The following TRNT1 variants were observed in gnomAD, a reference collection of about 807,000 sequenced individuals.
The protein encoded by TRNT1 is CCA tRNA nucleotidyltransferase 1, mitochondrial.
TRNT1 carries 44 observed loss-of-function variants against 45.6 expected under a neutral mutation model. That is an observed-to-expected ratio of 0.97 (90% confidence interval 0.76 to 1.24). The LOEUF is 1.24. TRNT1 is among the 50% of genes most tolerant of loss of function. The probability of loss-of-function intolerance (pLI) is 0.00; values close to 1 mark genes in which losing one functional copy is unlikely to be tolerated. For missense variants in TRNT1, 633 were observed against 504.4 expected (o/e 1.25, Z -2.44); for synonymous variants, 201 against 171.4 (o/e 1.17, Z -1.35).
intron 5 of TRNT1, among the ~76,000 whole-genome samples, chr3:3,146,216 A>G (rs1706009237): frequency 6.6e-6 from 1 of 151,924 alleles, no homozygotes; most frequent in Admixed American, 6.6e-5. Context: ...AAGGCTACTT[A>G]TATTTTATTC....
chr3:3,134,036 CAG>C (rs775336128), intron 2 of TRNT1, among the ~76,000 whole-genome samples: 1 of 152,240 alleles, frequency 6.6e-6, no homozygotes, highest in South Asian at 2.1e-4. Flanking sequence ...TGCTTACTAT[CAG>C]AGGTGGCATT....
intron 2 of TRNT1, chr3:3,129,631 C>A (rs1704875496): frequency 1.8e-6 from 1 of 556,942 alleles, no homozygotes; most frequent in East Asian, 3.1e-5. Context: ...TATGGCTGAT[C>A]CAAAAATATA....
rs750995691 is a variant in TRNT1, at chr3:3,144,710, G to C, written c.608G>C (p.Arg203Thr). 9.8e-6 allele frequency: 15 copies of C among 1,525,588 alleles called. No individual in the cohort carries two copies. The highest frequency in any genetic ancestry group is 1.8e-6 in the Non-Finnish European group (2 of 1,127,768). The allele number at this position is 1,525,588 out of a possible 1,614,324, so 94.5% of individuals were successfully genotyped here. A position where few individuals can be genotyped will look rare whatever the true frequency, so the allele number is the denominator to read the frequency against. The change falls in exon 5 of 8, where the codon AGG (arginine) becomes ACG (threonine). Residue 203 changes from arginine (R) to threonine (T), a missense_variant and splice_region_variant. By Grantham distance (71) the Arg-to-Thr change is moderately conservative. Coordinates refer to ENST00000251607, the MANE Select transcript of TRNT1 (RefSeq NM_182916.3). ...EDYLRILRYF[R>T]FYGRIVDKPG... ...TATCTTAGAATTTTAAGATACTTCAGGTAAGAATTTTTAAAAATAAAAAAT... is the reference window on the plus strand; with the variant it reads ...TATCTTAGAATTTTAAGATACTTCACGTAAGAATTTTTAAAAATAAAAAAT...
At chr3:3,152,459 G>C (rs146272907), downstream of TRNT1, 1 of 1,612,718 alleles carries the variant, frequency 6.2e-7, no homozygotes, top group Non-Finnish European at 8.5e-7. Context: ...ATATTACCCA[G>C]GAAACCAGCT....
At chr3:3,150,814 A>G, downstream of TRNT1, 1 of 1,556,982 alleles carries the variant, frequency 6.4e-7, no homozygotes, top group Non-Finnish European at 8.8e-7. Flanking sequence ...TCCAAAGCAG[A>G]TCTTAGAATA....
intron 6 of TRNT1, 117 bp downstream of exon 6, chr3:3,146,740 T>C: frequency 9.9e-7 from 1 of 1,012,482 alleles, no homozygotes; most frequent in Non-Finnish European, 1.4e-6. Context: ...AATGGAGTAT[T>C]TTAAAATAAG....
At chr3:3,151,287 A>AAT (rs1287704239), downstream of TRNT1, among the ~76,000 whole-genome samples, 1 of 152,238 alleles carries the variant, frequency 6.6e-6, no homozygotes, top group Non-Finnish European at 1.5e-5. Flanking sequence ...ACTGCATAGA[A>AAT]ATAAAGAGTA....
intron 1 of TRNT1, 41 bp from the exon 2 acceptor site, chr3:3,128,973 A>T: frequency 7.1e-7 from 1 of 1,417,148 alleles, no homozygotes. Context: ...ACTTACCTTC[A>T]CTTTTAATTT....
chr3:3,129,007 C>A lies in TRNT1; in HGVS notation c.-27-7C>A. The stretch of plus-strand genomic sequence containing the variant: ...TTCATTGGTATGCCTGTGTATTTGC[C>A]TTGTAGATGTGTAGTTGGTGACTGC... On this transcript the variant is annotated splice_region_variant and splice_polypyrimidine_tract_variant and intron_variant, in intron 1 of 7. Transcript: ENST00000251607. 1 of 1,561,030 alleles carries A rather than the reference C, an allele frequency of 6.4e-7. No individual in the cohort carries two copies. The highest frequency in any genetic ancestry group is 1.2e-5 in the South Asian group (1 of 83,302).
chr3:3,148,709 CAG>C lies in TRNT1; in HGVS notation c.*556_*557del, dbSNP rs1706238145. ...GGATTTGTTCTAGCAAGCTATGCTT[CAG>C]TATGTGGTTGATATTTTTCTGTCAC... On this transcript the variant is annotated 3_prime_UTR_variant, in exon 8 of 8. Transcript: ENST00000251607. 6.6e-6 allele frequency: 1 copy of C among 152,172 alleles called. No individual in the cohort carries two copies. The allele number at this position is 152,172 out of a possible 1,614,324, so 9.4% of individuals were successfully genotyped here.
At chr3:3,151,330 T>C (rs1706533903), downstream of TRNT1, among the ~76,000 whole-genome samples, 1 of 152,238 alleles carries the variant, frequency 6.6e-6, no homozygotes, top group Admixed American at 6.5e-5. Context: ...AATTGCTGGT[T>C]GCCAAGACCA....
Position 3,148,953 on chromosome 3 carries a change from T to TATTA in TRNT1, c.*800_*803dup, listed in dbSNP as rs1330825555. On this transcript the variant is annotated 3_prime_UTR_variant, in exon 8 of 8. Coordinates refer to ENST00000251607, the MANE Select transcript of TRNT1 (RefSeq NM_182916.3). Reference sequence around the variant, plus strand: ...ATTTTATTAATTAAAAGGATATGGCTATTATTATATATTCTCTAAAGATTT... The same window carrying TATTA: ...ATTTTATTAATTAAAAGGATATGGCTATTAATTATTATATATTCTCTAAAGATTT... The TATTA allele has an allele frequency of 7.2e-5, 8 of 110,866 alleles. No homozygotes were observed. In the South Asian group the frequency reaches 2.5e-3, roughly 34 times the overall value. 6.9% of individuals were successfully genotyped at this position (110,866 alleles called of 1,614,324 possible). A position where few individuals can be genotyped will look rare whatever the true frequency, so the allele number is the denominator to read the frequency against.
intron 6 of TRNT1, 65 bp downstream of exon 6, chr3:3,146,688 G>A (rs1352081940): frequency 3.6e-6 from 5 of 1,381,864 alleles, no homozygotes; most frequent in African/African-American, 1.5e-5. Context: ...AATTTCATAA[G>A]GAAAAAATGT....
chr3:3,148,365 T>C lies in TRNT1; in HGVS notation c.*211T>C, dbSNP rs567413351. The C allele has an allele frequency of 3.9e-5, 19 of 488,870 alleles. No homozygotes were observed. Among genetic ancestry groups the C allele is most frequent in the African/African-American group, 2.9e-4 (15 of 51,470 alleles). The allele number at this position is 488,870 out of a possible 1,614,324, so 30.3% of individuals were successfully genotyped here. On this transcript the variant is annotated 3_prime_UTR_variant, in exon 8 of 8. Transcript: ENST00000251607. ...TGATTTATATCACTGAAATGTACAG[T>C]TCTTTTGGAATAGTTTCACCTGAGA... is the stretch of plus-strand genomic sequence containing the variant.
chr3:3,136,557 C>T, intron 2 of TRNT1: 1 of 401,728 alleles, frequency 2.5e-6, no homozygotes, highest in Non-Finnish European at 4.8e-6. Flanking sequence ...CAACATCTAT[C>T]TGTAAACACA....
At chr3:3,144,157 CT>C (rs1705832480) in intron 4 of TRNT1, among the ~76,000 whole-genome samples, 1 of 152,100 alleles carries the variant, frequency 6.6e-6, no homozygotes, top group African/African-American at 2.4e-5. Context: ...TGTTTTCTTG[CT>C]GAGTTTGAAA....
rs751513968 is a variant in TRNT1, at chr3:3,146,634, G to C, written c.802+11G>C. ...TGGCTCCTTATATAGGTGAGAGCAA[G>C]TTATAAAGTGTTTGAATTTTTGGCA... On this transcript the variant is annotated intron_variant, in intron 6 of 7. Coordinates refer to ENST00000251607, the MANE Select transcript of TRNT1 (RefSeq NM_182916.3). 6.5e-7 allele frequency: 1 copy of C among 1,527,764 alleles called. No homozygotes were observed. Among genetic ancestry groups the C allele is most frequent in the Non-Finnish European group, 8.8e-7 (1 of 1,137,316 alleles). The allele number at this position is 1,527,764 out of a possible 1,614,324, so 94.6% of individuals were successfully genotyped here. A position where few individuals can be genotyped will look rare whatever the true frequency, so the allele number is the denominator to read the frequency against.
chr3:3,130,555 A>G (rs1414883293), intron 2 of TRNT1: 1 of 152,542 alleles, frequency 6.6e-6, no homozygotes, highest in African/African-American at 2.4e-5. Context: ...ATCTTTTTTA[A>G]TTGGAGAGAG....
intron 2 of TRNT1, chr3:3,131,463 A>ATTTGCATTTCTCTGATGGCCAGTG: frequency 6.6e-6 from 1 of 152,226 alleles, no homozygotes; most frequent in East Asian, 1.9e-4. Flanking sequence ...TCTAAACCTG[A>ATTTGCATTTCTCTGATGGCCAGTG]AACTGGCTAG....
Sources: gnomAD v4.1 joint callset for allele counts (sites outside exome capture counted in the v4.1 genomes callset) on GRCh38, gnomAD v4.1.1 for gene constraint, MANE v1.5 for transcripts, NCBI Gene and HGNC (gene_info 2026-07-23, HGNC 2026-07-21) for gene names.